The following DLG2 variants were observed in gnomAD, a reference collection of about 807,000 sequenced individuals.
DLG2 encodes the protein discs large MAGUK scaffold protein 2, also known as disks large homolog 2.
Under a neutral mutation model 132.5 loss-of-function variants are expected in DLG2, and 45 were observed. That is an observed-to-expected ratio of 0.34 (90% confidence interval 0.27 to 0.44). DLG2 has a LOEUF of 0.44. Ranked by LOEUF, DLG2 falls within the 20% of genes least tolerant of loss-of-function variation. The pLI is 1.00. For missense variants in DLG2, 1,045 were observed against 1,196.9 expected, an observed-to-expected ratio of 0.87 and a Z score of 1.87; for synonymous variants, 424 against 419.6, an observed-to-expected ratio of 1.01 and a Z score of -0.13.
intron 17 of DLG2, among the ~76,000 whole-genome samples, chr11:83,832,417 A>G (rs2054808287): frequency 6.6e-6 from 1 of 152,166 alleles, no homozygotes; most frequent in Non-Finnish European, 1.5e-5. Flanking sequence ...TCAGTAAAGT[A>G]CCCTTGAAAA....
chr11:85,320,448 G>T (rs2080982563), intron 3 of DLG2, among the ~76,000 whole-genome samples: 2 of 151,816 alleles, frequency 1.3e-5, no homozygotes, highest in Admixed American at 1.3e-4. Flanking sequence ...TCAAAAAAAT[G>T]TACTGACAGG....
At chr11:84,551,165 ACAAT>A (rs2099401057) in intron 6 of DLG2, among the ~76,000 whole-genome samples, 1 of 152,208 alleles carries the variant, frequency 6.6e-6, no homozygotes, top group Non-Finnish European at 1.5e-5. Context: ...GGTTTATTTC[ACAAT>A]CAGACACTTT....
chr11:85,361,846 T>C (rs2084180015), intron 3 of DLG2, among the ~76,000 whole-genome samples: 1 of 152,208 alleles, frequency 6.6e-6, no homozygotes, highest in Non-Finnish European at 1.5e-5. Context: ...GAAAATGACA[T>C]TGGTAATTTG....
At chr11:83,519,724 C>A (rs117539089) in intron 21 of DLG2, among the ~76,000 whole-genome samples, 121 of 152,316 alleles carry the variant, frequency 7.9e-4, no homozygotes, top group Non-Finnish European at 1.6e-3. Context: ...CAAATGTGAG[C>A]TTTGCCTATT....
chr11:83,509,863 T>C lies in DLG2; in HGVS notation c.2193+22845A>G, dbSNP rs182340177. Reference sequence around the variant, plus strand: ...AGACCTGGGCGTAAGTTTTGGTTCATCTCTTCATTCATCAGTTATTTCTTG... The same window carrying C: ...AGACCTGGGCGTAAGTTTTGGTTCACCTCTTCATTCATCAGTTATTTCTTG... On this transcript the variant is annotated intron_variant, in intron 21 of 27. Coordinates refer to ENST00000376104, the MANE Select transcript of DLG2 (RefSeq NM_001142699.3). Among the ~76,000 whole-genome samples, 59 of 152,216 alleles carry C rather than the reference T, an allele frequency of 3.9e-4. No individual in the cohort carries two copies. In the South Asian group the frequency reaches 4.6e-3, roughly 12 times the overall value.
At chr11:85,291,047 A>G (rs1313905890) in intron 3 of DLG2, among the ~76,000 whole-genome samples, 1 of 152,170 alleles carries the variant, frequency 6.6e-6, no homozygotes, top group Admixed American at 6.5e-5. Flanking sequence ...CCTCTTTGAG[A>G]TATACCTTCA....
At chr11:83,865,798 C>T (rs1396665886) in intron 16 of DLG2, among the ~76,000 whole-genome samples, 1 of 152,140 alleles carries the variant, frequency 6.6e-6, no homozygotes, top group Non-Finnish European at 1.5e-5. Context: ...CCCCATCAGG[C>T]AGCCTCTTAG....
At chr11:85,426,853 C>A (rs373535949) in intron 3 of DLG2, among the ~76,000 whole-genome samples, 1 of 151,988 alleles carries the variant, frequency 6.6e-6, no homozygotes, top group Non-Finnish European at 1.5e-5. Context: ...AGTTCAAACC[C>A]ATGGCAAAGT....
At chr11:85,094,260 T>C (rs1438227929) in intron 6 of DLG2, among the ~76,000 whole-genome samples, 1 of 152,212 alleles carries the variant, frequency 6.6e-6, no homozygotes, top group Non-Finnish European at 1.5e-5. Context: ...ATTTTCAATA[T>C]GGTAATTAAG....
At chr11:85,352,376 A>T (rs2083361219) in intron 3 of DLG2, among the ~76,000 whole-genome samples, 1 of 152,004 alleles carries the variant, frequency 6.6e-6, no homozygotes, top group African/African-American at 2.4e-5. Context: ...GGATTCACTG[A>T]TTTTTTGAAG....
chr11:83,645,656 A>G (rs1043068861), intron 18 of DLG2: 1 of 152,152 alleles, frequency 6.6e-6, no homozygotes, highest in Non-Finnish European at 1.5e-5. Flanking sequence ...CAAGCTGCCT[A>G]TGGAGGTGTA....
rs768463413 is a variant in DLG2 at position 84,164,536 on chromosome 11, C to T, written c.574-1025G>A. On this transcript the variant is annotated intron_variant, in intron 8 of 27. Transcript: ENST00000376104. ...GATTGAGAGTTCTATGCAGGCAAGG[C>T]CCAGACAGCCAGCCCTGTTGCCTAA... Among the ~76,000 whole-genome samples, 8 of 152,252 alleles carry T rather than the reference C, an allele frequency of 5.3e-5. 1 individual carries two copies. The highest frequency in any genetic ancestry group is 3.9e-4 in the East Asian group (2 of 5,176).
At chr11:85,198,449 C>T (rs182840822) in intron 4 of DLG2, among the ~76,000 whole-genome samples, 11 of 152,186 alleles carry the variant, frequency 7.2e-5, no homozygotes, top group Admixed American at 5.2e-4. Context: ...ACTAACAACC[C>T]AGACATTACT....
intron 6 of DLG2, among the ~76,000 whole-genome samples, chr11:85,022,758 C>A (rs1311553218): frequency 1.3e-5 from 2 of 152,062 alleles, no homozygotes; most frequent in Admixed American, 6.6e-5. Flanking sequence ...TGTACCCGAA[C>A]AAGTTGAAAC....
At chr11:85,334,752 A>G (rs1288260051) in intron 3 of DLG2, among the ~76,000 whole-genome samples, 1 of 152,124 alleles carries the variant, frequency 6.6e-6, no homozygotes, top group Non-Finnish European at 1.5e-5. Flanking sequence ...TCTTCTTGGT[A>G]TTAATTTCCA....
intron 19 of DLG2, among the ~76,000 whole-genome samples, chr11:83,620,345 T>C (rs1367839284): frequency 6.6e-6 from 1 of 152,274 alleles, no homozygotes; most frequent in South Asian, 2.1e-4. Context: ...TCAATAAAGC[T>C]GTCAAAAAGT....
In DLG2 at chr11:83,643,395, T is replaced by C. The variant is rs188092355; in HGVS notation, c.1826-10070A>G. Among the ~76,000 whole-genome samples, 4 of 152,290 alleles carry C rather than the reference T, an allele frequency of 2.6e-5. No homozygotes were observed. The East Asian group carries it at 7.7e-4, about 29-fold the overall frequency. Reference sequence around the variant, plus strand: ...ATTTTATTGGCAGGTTGAGTGAAAGTGCCAGAGTGTGGATGCACAAATTGT... The same window carrying C: ...ATTTTATTGGCAGGTTGAGTGAAAGCGCCAGAGTGTGGATGCACAAATTGT... On this transcript the variant is annotated intron_variant, in intron 18 of 27. Coordinates refer to ENST00000376104, the MANE Select transcript of DLG2 (RefSeq NM_001142699.3).
At chr11:83,629,801 C>T (rs895074700) in intron 19 of DLG2, among the ~76,000 whole-genome samples, 13 of 152,100 alleles carry the variant, frequency 8.5e-5, no homozygotes, top group African/African-American at 2.4e-4. Context: ...ATTCATATTC[C>T]AGTAGCTCAG....
intron 16 of DLG2, among the ~76,000 whole-genome samples, chr11:83,865,556 G>A (rs2062180039): frequency 6.6e-6 from 1 of 152,062 alleles, no homozygotes. Flanking sequence ...GAGAAGGGAG[G>A]GGAAAGGGAG....
Sources: gnomAD v4.1 joint callset for allele counts (sites outside exome capture counted in the v4.1 genomes callset) on GRCh38, gnomAD v4.1.1 for gene constraint, MANE v1.5 for transcripts, NCBI Gene and HGNC (gene_info 2026-07-23, HGNC 2026-07-21) for gene names.